GALNT18: variants seen among roughly 807,000 people sequenced by gnomAD.
GALNT18 encodes polypeptide N-acetylgalactosaminyltransferase 18, also known as GalNAc-transferase 18.
In GALNT18, 44 loss-of-function variants were observed where a neutral mutation model predicts 69.5. The observed-to-expected ratio is 0.63, with a 90% CI of 0.50 to 0.81. GALNT18 has a LOEUF of 0.81. Ranked by LOEUF, GALNT18 falls within the 40% of genes least tolerant of loss-of-function variation. The pLI is 0.00. For missense variants in GALNT18, 715 were observed against 810.0 expected (o/e 0.88, Z 1.42); for synonymous variants, 364 against 318.2 (o/e 1.14, Z -1.53).
rs138038715 is a variant in GALNT18 at position 11,601,680 on chromosome 11, T to C, written c.235+19679A>G. Among the ~76,000 whole-genome samples the C allele has an allele frequency of 2.0e-5, 3 of 152,328 alleles. No individual in the cohort carries two copies. In the East Asian group the frequency reaches 5.8e-4, roughly 29 times the overall value. Reference sequence around the variant, plus strand: ...CAGTTTTTGAGGCTTTCTTTGACCATAGGAAATGTCTCTTTCTTTGATTAT... The same window carrying C: ...CAGTTTTTGAGGCTTTCTTTGACCACAGGAAATGTCTCTTTCTTTGATTAT... On this transcript the variant is annotated intron_variant, in intron 1 of 10. Transcript: ENST00000227756. This position sits in a 1 kb window ranked among gnomAD's most constrained non-coding sequence, Gnocchi z 4.0.
intron 10 of GALNT18, among the ~76,000 whole-genome samples, chr11:11,276,188 T>C (rs1848942434): frequency 6.6e-6 from 1 of 152,222 alleles, no homozygotes; most frequent in Non-Finnish European, 1.5e-5. Context: ...TCCATTTGCT[T>C]GTGTCCTCTC....
At chr11:11,293,972 C>T (rs1849352816) in intron 9 of GALNT18, among the ~76,000 whole-genome samples, 1 of 152,150 alleles carries the variant, frequency 6.6e-6, no homozygotes, top group Admixed American at 6.5e-5. Context: ...AGGTGGCCAA[C>T]TTTTTCTTAA....
chr11:11,311,074 G>T (rs1849665340), intron 9 of GALNT18, among the ~76,000 whole-genome samples: 1 of 152,130 alleles, frequency 6.6e-6, no homozygotes, highest in African/African-American at 2.4e-5. Flanking sequence ...GGGATGTTTT[G>T]GTCTTGTAGG....
rs1196128727 is a variant in GALNT18 at position 11,404,097 on chromosome 11, G to T, written c.596-24833C>A. Among the ~76,000 whole-genome samples, 2 of 152,252 alleles carry T rather than the reference G, an allele frequency of 1.3e-5. No individual in the cohort carries two copies. Among genetic ancestry groups the T allele is most frequent in the African/African-American group, 2.4e-5 (1 of 41,474 alleles). On this transcript the variant is annotated intron_variant, in intron 3 of 10. Coordinates refer to ENST00000227756, the MANE Select transcript of GALNT18 (RefSeq NM_198516.3). The surrounding 1 kb of genome is among the most constrained non-coding windows in gnomAD (Gnocchi z 4.5). ...ATGATGAGCGAATGCCCCGCCACTT[G>T]CTGGCAGCAGGAGGAGAGCATTCCC...
At position 11,315,668 on chromosome 11, in the gene GALNT18, C is replaced by T. The variant is rs1849739830; in HGVS notation, c.1512+11418G>A. On this transcript the variant is annotated intron_variant, in intron 9 of 10. Coordinates refer to ENST00000227756, the MANE Select transcript of GALNT18 (RefSeq NM_198516.3). This position sits in a 1 kb window ranked among gnomAD's most constrained non-coding sequence, Gnocchi z 5.6. ...TCATGGCATACAGGCCATCACATCC[C>T]TCACAATCATTCAGTGATGTGCAAG... 6.6e-6 allele frequency among the ~76,000 whole-genome samples: 1 copy of T among 152,214 alleles called. No individual in the cohort carries two copies. Among genetic ancestry groups the T allele is most frequent in the African/African-American group, 2.4e-5 (1 of 41,460 alleles).
intron 10 of GALNT18, among the ~76,000 whole-genome samples, chr11:11,281,929 C>T (rs1356376671): frequency 6.6e-6 from 1 of 151,816 alleles, no homozygotes; most frequent in South Asian, 2.1e-4. Flanking sequence ...GGGGAGGGTG[C>T]TCTAGAACTG....
rs140917604 is a variant in GALNT18 at position 11,271,192 on chromosome 11, C to G, written c.1776G>C (p.Ser592=). The G allele has an allele frequency of 1.2e-6, 2 of 1,614,084 alleles. No homozygotes were observed. The highest frequency in any genetic ancestry group is 1.1e-5 in the South Asian group (1 of 91,082). ...CGTTGGTGATGCTCCAGTGCTGGCC[C>G]GAGCACTTCTGCAACACCAGCTGGA... ...FGFQLVLQKC[S]GQHWSITNVL... Residue 592 remains serine, a synonymous_variant, in exon 11 of 11, where the codon TCG becomes TCC. Coordinates refer to ENST00000227756, the MANE Select transcript of GALNT18 (RefSeq NM_198516.3).
At chr11:11,411,774 G>A (rs1318245517) in intron 3 of GALNT18, among the ~76,000 whole-genome samples, 5 of 152,220 alleles carry the variant, frequency 3.3e-5, no homozygotes. Flanking sequence ...AAGCAAGTCA[G>A]GGCAGGGGAA....
At chr11:11,448,381 T>C (rs968352390) in intron 2 of GALNT18, among the ~76,000 whole-genome samples, 1 of 152,202 alleles carries the variant, frequency 6.6e-6, no homozygotes, top group African/African-American at 2.4e-5. Flanking sequence ...CCCCACAAGA[T>C]AGATGTACTT....
In GALNT18 at chr11:11,387,171, C is replaced by A. The variant is rs1405534310; in HGVS notation, c.596-7907G>T. ...TGCCCAGGTAATTTTTCTCTTCATT[C>A]TTCCAAACCCACTGGCCCCATCTTG... is the stretch of plus-strand genomic sequence containing the variant. On this transcript the variant is annotated intron_variant, in intron 3 of 10. Coordinates refer to ENST00000227756, the MANE Select transcript of GALNT18 (RefSeq NM_198516.3). This position sits in a 1 kb window ranked among gnomAD's most constrained non-coding sequence, Gnocchi z 4.6. 3.3e-5 allele frequency among the ~76,000 whole-genome samples: 5 copies of A among 152,236 alleles called. No homozygotes were observed. Among genetic ancestry groups the A allele is most frequent in the Non-Finnish European group, 1.5e-5 (1 of 68,040 alleles).
chr11:11,350,499 A>G (rs1850380875), intron 6 of GALNT18, among the ~76,000 whole-genome samples: 1 of 152,228 alleles, frequency 6.6e-6, no homozygotes, highest in African/African-American at 2.4e-5. Context: ...GACAAGTTGG[A>G]AAAAGGAAGA....
intron 4 of GALNT18, among the ~76,000 whole-genome samples, chr11:11,378,156 CTG>C (rs1169737609): frequency 1.3e-5 from 2 of 152,202 alleles, no homozygotes; most frequent in African/African-American, 4.8e-5. Flanking sequence ...TAAAAAATGG[CTG>C]TGTTGCAGCC....
At position 11,494,392 on chromosome 11, in the gene GALNT18, C is replaced by A. The variant is rs1175217747; in HGVS notation, c.236-45456G>T. 6.6e-6 allele frequency among the ~76,000 whole-genome samples: 1 copy of A among 152,198 alleles called. No homozygotes were observed. Among genetic ancestry groups the A allele is most frequent in the African/African-American group, 2.4e-5 (1 of 41,450 alleles). ...CTATATTTGCCAGTGGCCATCTTGT[C>A]TGAGAATGACAACCTACTTCAAGGG... is the stretch of plus-strand genomic sequence containing the variant. On this transcript the variant is annotated intron_variant, in intron 1 of 10. Coordinates refer to ENST00000227756, the MANE Select transcript of GALNT18 (RefSeq NM_198516.3). This position sits in a 1 kb window ranked among gnomAD's most constrained non-coding sequence, Gnocchi z 5.7.
chr11:11,394,879 C>T (rs1391877535), intron 3 of GALNT18, among the ~76,000 whole-genome samples: 1 of 152,176 alleles, frequency 6.6e-6, no homozygotes, highest in South Asian at 2.1e-4. Flanking sequence ...TTAGAGTAGC[C>T]AGGCCTGATG....
chr11:11,355,570 TATTA>T (rs140610925), intron 6 of GALNT18, among the ~76,000 whole-genome samples: 7,197 of 152,236 alleles, frequency 0.047, 250 homozygotes, highest in African/African-American at 0.099. Context: ...TTTACATATT[TATTA>T]TTTATTTATA....
intron 10 of GALNT18, among the ~76,000 whole-genome samples, chr11:11,275,914 CA>C (rs958450564): frequency 4.5e-4 from 69 of 152,268 alleles, no homozygotes; most frequent in African/African-American, 1.7e-3. Context: ...GTACCAGTAC[CA>C]TGCTGTTTTG....
At chr11:11,451,660 A>G (rs936802489) in intron 1 of GALNT18, among the ~76,000 whole-genome samples, 20 of 152,224 alleles carry the variant, frequency 1.3e-4, no homozygotes, top group Non-Finnish European at 2.9e-4. Flanking sequence ...GCAACTCCAC[A>G]GAGCAGGACC....
At chr11:11,610,779 C>T (rs911253191) in intron 1 of GALNT18, among the ~76,000 whole-genome samples, 1 of 152,030 alleles carries the variant, frequency 6.6e-6, no homozygotes. Context: ...TGGAAGAAAC[C>T]AAAATGTTAA....
At chr11:11,300,929 T>G (rs1246233044) in intron 9 of GALNT18, among the ~76,000 whole-genome samples, 1 of 151,900 alleles carries the variant, frequency 6.6e-6, no homozygotes, top group African/African-American at 2.4e-5. Flanking sequence ...AGCCTAGGAG[T>G]GAAATGTTGG....
Sources: gnomAD v4.1 joint callset for allele counts (sites outside exome capture counted in the v4.1 genomes callset) on GRCh38, gnomAD v4.1.1 for gene constraint, Gnocchi (gnomAD v3.1) non-coding constraint, MANE v1.5 for transcripts, NCBI Gene and HGNC (gene_info 2026-07-23, HGNC 2026-07-21) for gene names.